CNTN5: variants seen among roughly 807,000 people sequenced by gnomAD.
CNTN5 encodes contactin-5.
CNTN5 carries 77 observed loss-of-function variants against 129.1 expected under a neutral mutation model. That is an observed-to-expected ratio of 0.60 (90% CI 0.50 to 0.72). The LOEUF is 0.72. CNTN5 is among the 30% of genes least tolerant of loss of function. The pLI, the probability that CNTN5 is intolerant of heterozygous loss-of-function variation, is 0.00. For missense variants in CNTN5, 1,478 were observed against 1,328.8 expected (o/e 1.11, Z -1.75); for synonymous variants, 509 against 465.6 (o/e 1.09, Z -1.20).
chr11:100,147,142 C>T (rs1946876803), intron 13 of CNTN5, among the ~76,000 whole-genome samples: 1 of 152,104 alleles, frequency 6.6e-6, no homozygotes, highest in African/African-American at 2.4e-5. Context: ...CTTTCTGTTA[C>T]CTTCTGCCAG....
At chr11:100,035,859 G>A (rs866306707) in intron 9 of CNTN5, among the ~76,000 whole-genome samples, 264 of 152,188 alleles carry the variant, frequency 1.7e-3, no homozygotes, top group Non-Finnish European at 3.1e-3. Flanking sequence ...TGTAGATTCT[G>A]GATATTAGCC....
chr11:99,937,445 G>A (rs1163532330), intron 7 of CNTN5, among the ~76,000 whole-genome samples: 1 of 152,194 alleles, frequency 6.6e-6, no homozygotes, highest in East Asian at 1.9e-4. Context: ...ATGAAAGTCT[G>A]GAGAGAGAAA....
intron 16 of CNTN5, among the ~76,000 whole-genome samples, chr11:100,235,408 T>C (rs11223360): frequency 0.19 from 29,235 of 152,002 alleles, 3,208 homozygotes; most frequent in Non-Finnish European, 0.24. Flanking sequence ...TCAGGGAGAA[T>C]AGCTGAAGGC....
At chr11:99,653,975 T>C (rs187116706) in intron 3 of CNTN5, among the ~76,000 whole-genome samples, 85 of 151,992 alleles carry the variant, frequency 5.6e-4, no homozygotes, top group Non-Finnish European at 1.1e-3. Context: ...ACTGCTGTTA[T>C]TTCTATTAAA....
At chr11:99,218,026 G>T (rs1272037771) in intron 1 of CNTN5, among the ~76,000 whole-genome samples, 1 of 152,082 alleles carries the variant, frequency 6.6e-6, no homozygotes, top group Non-Finnish European at 1.5e-5. Flanking sequence ...TTCACAAAAA[G>T]ATTACATTTA....
chr11:99,768,171 G>T (rs1347241539), intron 3 of CNTN5, among the ~76,000 whole-genome samples: 1 of 151,980 alleles, frequency 6.6e-6, no homozygotes, highest in Non-Finnish European at 1.5e-5. Flanking sequence ...AGATTCACCA[G>T]TTATTAAAAT....
intron 3 of CNTN5, among the ~76,000 whole-genome samples, chr11:99,637,367 T>C (rs949484452): frequency 2.6e-5 from 4 of 151,888 alleles, no homozygotes; most frequent in African/African-American, 9.7e-5. Flanking sequence ...AGGAAAAAAA[T>C]TAGCGTTGTA....
At chr11:99,995,252 G>A (rs1393471114) in intron 8 of CNTN5, among the ~76,000 whole-genome samples, 2 of 151,774 alleles carry the variant, frequency 1.3e-5, no homozygotes, top group Admixed American at 1.3e-4. Context: ...TAGACATTCA[G>A]TGAAGCCAGG....
intron 3 of CNTN5, among the ~76,000 whole-genome samples, chr11:99,819,264 TG>T (rs1946692720): frequency 7.5e-6 from 1 of 133,996 alleles, no homozygotes; most frequent in Non-Finnish European, 1.6e-5. Flanking sequence ...CCTTCCCTTC[TG>T]CCATCATTTT....
intron 8 of CNTN5, among the ~76,000 whole-genome samples, chr11:99,982,809 T>G (rs1269917898): frequency 3.9e-5 from 6 of 152,014 alleles, no homozygotes; most frequent in African/African-American, 1.4e-4. Flanking sequence ...CCCAGTTAAT[T>G]TTTTTGTATT....
intron 2 of CNTN5, among the ~76,000 whole-genome samples, chr11:99,427,615 A>G (rs1396905161): frequency 3.3e-5 from 5 of 151,668 alleles, no homozygotes; most frequent in Admixed American, 6.6e-5. Context: ...AAATACAAAA[A>G]ATTAGCTGGG....
chr11:100,138,827 G>T (rs1271422454), intron 13 of CNTN5, among the ~76,000 whole-genome samples: 1 of 152,160 alleles, frequency 6.6e-6, no homozygotes. Flanking sequence ...GAAGCAGAAG[G>T]ACAGGTTAGA....
rs559431331 is a variant in CNTN5, at chr11:99,302,766, A to G, written c.-209-22580A>G. 8.6e-4 allele frequency among the ~76,000 whole-genome samples: 131 copies of G among 151,946 alleles called. 1 individual carries two copies. The highest frequency in any genetic ancestry group is 3.0e-3 in the African/African-American group (126 of 41,544). On this transcript the variant is annotated intron_variant, in intron 1 of 24. Coordinates refer to ENST00000524871, the MANE Select transcript of CNTN5 (RefSeq NM_014361.4). Reference sequence around the variant, plus strand: ...ATGGTGGTATGTGAAATATATCTCAATGAAGATTTAGAAAACAACAACTAT... The same window carrying G: ...ATGGTGGTATGTGAAATATATCTCAGTGAAGATTTAGAAAACAACAACTAT...
At chr11:99,030,090 T>C (rs1353427230) in intron 1 of CNTN5, among the ~76,000 whole-genome samples, 1 of 152,186 alleles carries the variant, frequency 6.6e-6, no homozygotes, top group Non-Finnish European at 1.5e-5. Context: ...CATGGGCTTC[T>C]TAGACTCAGG....
intron 2 of CNTN5, among the ~76,000 whole-genome samples, chr11:99,462,626 C>G (rs906317453): frequency 2.6e-5 from 4 of 152,264 alleles, no homozygotes; most frequent in Middle Eastern, 3.4e-3. Context: ...TCAGCAAAGA[C>G]TGGAGTTAAC....
At chr11:99,110,900 A>T (rs914637524) in intron 1 of CNTN5, among the ~76,000 whole-genome samples, 1 of 152,184 alleles carries the variant, frequency 6.6e-6, no homozygotes, top group Non-Finnish European at 1.5e-5. Context: ...CATGACCAAT[A>T]TATAAAACTT....
chr11:99,230,857 A>G (rs1305473571), intron 1 of CNTN5, among the ~76,000 whole-genome samples: 1 of 151,974 alleles, frequency 6.6e-6, no homozygotes, highest in African/African-American at 2.4e-5. Flanking sequence ...CCCTACGTCC[A>G]CGTGTTCTCA....
chr11:100,150,435 T>C (rs752455777), intron 13 of CNTN5, among the ~76,000 whole-genome samples: 19 of 152,124 alleles, frequency 1.2e-4, no homozygotes, highest in Admixed American at 2.6e-4. Context: ...TGGCCATATG[T>C]TCAATTTTTG....
At chr11:99,301,224 G>A (rs554661928) in intron 1 of CNTN5, among the ~76,000 whole-genome samples, 6 of 151,396 alleles carry the variant, frequency 4.0e-5, no homozygotes, top group African/African-American at 1.5e-4. Context: ...TAGCAAAATG[G>A]CAGATTCAAA....
Sources: gnomAD v4.1 joint callset for allele counts (sites outside exome capture counted in the v4.1 genomes callset) on GRCh38, gnomAD v4.1.1 for gene constraint, MANE v1.5 for transcripts, NCBI Gene and HGNC (gene_info 2026-07-23, HGNC 2026-07-21) for gene names.